FAM184B: variants seen among roughly 807,000 people sequenced by gnomAD.
FAM184B encodes family with sequence similarity 184 member B.
In FAM184B, 111 loss-of-function variants were observed where a neutral mutation model predicts 135.9. The ratio of observed to expected loss-of-function variants is 0.82; its 90% CI spans 0.70 to 0.96. The LOEUF is 0.96. Ranked by LOEUF, FAM184B falls within the 40% of genes least tolerant of loss-of-function variation. FAM184B has a pLI of 0.00. For synonymous variants in FAM184B, 552 were observed against 524.8 expected (o/e 1.05, Z -0.71); for missense variants, 1,375 against 1,323.9 (o/e 1.04, Z -0.60).
chr4:17,643,123 T>C (rs1020558259), intron 12 of FAM184B, among the ~76,000 whole-genome samples: 2 of 152,208 alleles, frequency 1.3e-5, no homozygotes, highest in African/African-American at 2.4e-5. Context: ...GTTACTGCTC[T>C]GTGGGGACAA....
chr4:17,765,762 G>A (rs781302273), intron 1 of FAM184B, among the ~76,000 whole-genome samples: 2 of 152,144 alleles, frequency 1.3e-5, no homozygotes, highest in African/African-American at 4.8e-5. Context: ...ATAAAGCCAC[G>A]GACCCTCCTG....
intron 7 of FAM184B, among the ~76,000 whole-genome samples, chr4:17,680,399 A>G (rs1716407806): frequency 1.3e-5 from 2 of 152,186 alleles, no homozygotes; most frequent in Admixed American, 1.3e-4. Flanking sequence ...CACATGTTCA[A>G]TGATAATGAT....
intron 1 of FAM184B, among the ~76,000 whole-genome samples, chr4:17,764,817 C>A (rs955030922): frequency 6.6e-6 from 1 of 152,192 alleles, no homozygotes; most frequent in African/African-American, 2.4e-5. Flanking sequence ...GTAATCTCAG[C>A]GCTTTGGGAG....
At chr4:17,659,908 A>T (rs970873955) in intron 9 of FAM184B, 50 bp downstream of exon 9, 2 of 1,541,154 alleles carry the variant, frequency 1.3e-6, no homozygotes, top group Non-Finnish European at 1.8e-6. Flanking sequence ...TGTAAAAAGG[A>T]GGGGGCAGGA....
chr4:17,768,119 G>C (rs959593984), intron 1 of FAM184B, among the ~76,000 whole-genome samples: 1 of 152,136 alleles, frequency 6.6e-6, no homozygotes, highest in Non-Finnish European at 1.5e-5. Flanking sequence ...TTTTGATTTT[G>C]TTCAAGTATT....
rs1286611476 is a variant in FAM184B, at chr4:17,781,437, G to A, written c.-138C>T. 2 of 1,087,004 alleles carry A rather than the reference G, an allele frequency of 1.8e-6. No individual in the cohort carries two copies. Among genetic ancestry groups the A allele is most frequent in the Non-Finnish European group, 2.4e-6 (2 of 826,094 alleles). 67.3% of individuals were successfully genotyped at this position (1,087,004 alleles called of 1,614,324 possible). On this transcript the variant is annotated 5_prime_UTR_variant, in exon 1 of 18. The change creates a new upstream start codon in the 5' untranslated region. Transcript: ENST00000265018. This position sits in a 1 kb window ranked among gnomAD's most constrained non-coding sequence, Gnocchi z 6.5. ...GCAGTCCCGTCGCCTGCACCGCCGC[G>A]TGGCCCCAGCTTCCCGAAGGTCTCC... is the stretch of plus-strand genomic sequence containing the variant.
chr4:17,644,520 T>C lies in FAM184B; in HGVS notation c.2347-2292A>G, dbSNP rs190707469. Among the ~76,000 whole-genome samples, 240 of 152,258 alleles carry C rather than the reference T, an allele frequency of 1.6e-3. 1 individual carries two copies. Among genetic ancestry groups the C allele is most frequent in the African/African-American group, 5.3e-3 (221 of 41,556 alleles). On this transcript the variant is annotated intron_variant, in intron 12 of 17. Transcript: ENST00000265018. ...TCTCAATAGATGCAGAAAAGGCCTT[T>C]GACAAAATTCAACAGCCCTTCATGC...
intron 1 of FAM184B, among the ~76,000 whole-genome samples, chr4:17,767,739 A>C (rs1447285107): frequency 8.7e-6 from 1 of 114,666 alleles, no homozygotes; most frequent in Non-Finnish European, 1.6e-5. Flanking sequence ...TTTGGGTCTC[A>C]GAAGAGTCCC....
At chr4:17,685,212 A>C (rs1716551211) in intron 7 of FAM184B, among the ~76,000 whole-genome samples, 1 of 150,972 alleles carries the variant, frequency 6.6e-6, no homozygotes. Context: ...AAAAAAAAAA[A>C]AAAAAAGAAA....
At chr4:17,694,255 G>A (rs546030083) in intron 5 of FAM184B, among the ~76,000 whole-genome samples, 3 of 152,218 alleles carry the variant, frequency 2.0e-5, no homozygotes, top group Non-Finnish European at 4.4e-5. Flanking sequence ...CAGGCGCGGT[G>A]GCTGACGCCT....
At chr4:17,767,200 G>C (rs980538692) in intron 1 of FAM184B, among the ~76,000 whole-genome samples, 4 of 152,170 alleles carry the variant, frequency 2.6e-5, no homozygotes, top group Non-Finnish European at 4.4e-5. Context: ...TGCACACCTC[G>C]TGGCAAGCAG....
At chr4:17,727,883 G>T (rs1247121131) in intron 1 of FAM184B, among the ~76,000 whole-genome samples, 1 of 152,102 alleles carries the variant, frequency 6.6e-6, no homozygotes, top group Non-Finnish European at 1.5e-5. Flanking sequence ...GTGACAAAGG[G>T]TCAAATAAGC....
At chr4:17,779,321 A>C (rs952029234) in intron 1 of FAM184B, among the ~76,000 whole-genome samples, 1 of 152,254 alleles carries the variant, frequency 6.6e-6, no homozygotes, top group Non-Finnish European at 1.5e-5. Flanking sequence ...AGCCAAAAGA[A>C]TGGTGGCCTA....
chr4:17,726,025 G>A (rs996395265), intron 1 of FAM184B, among the ~76,000 whole-genome samples: 1 of 151,816 alleles, frequency 6.6e-6, no homozygotes, highest in African/African-American at 2.4e-5. Context: ...CCAGGTTCAC[G>A]CCATTCTCCT....
At chr4:17,778,109 G>C (rs1322390907) in intron 1 of FAM184B, among the ~76,000 whole-genome samples, 3 of 151,830 alleles carry the variant, frequency 2.0e-5, no homozygotes, top group African/African-American at 7.3e-5. Context: ...TTTTGCAGAG[G>C]ATAAAGATAA....
At chr4:17,717,429 AAC>A (rs1282459976) in intron 1 of FAM184B, among the ~76,000 whole-genome samples, 1 of 152,064 alleles carries the variant, frequency 6.6e-6, no homozygotes, top group Non-Finnish European at 1.5e-5. Context: ...GTCGCTTGGC[AAC>A]TCTTCTGCCA....
chr4:17,736,618 C>A (rs1454899198), intron 1 of FAM184B, among the ~76,000 whole-genome samples: 1 of 152,152 alleles, frequency 6.6e-6, no homozygotes, highest in Non-Finnish European at 1.5e-5. Context: ...AGTCAGCTGT[C>A]CTGGTTGTCA....
In FAM184B at chr4:17,731,201, G is replaced by A. The variant is rs979179332; in HGVS notation, c.142-21557C>T. On this transcript the variant is annotated intron_variant, in intron 1 of 17. Transcript: ENST00000265018. ...GCACTAAACATGGAAAGGAACAACC[G>A]GTACCAGCCACTGCAAAAACATGCC... is the stretch of plus-strand genomic sequence containing the variant. Among the ~76,000 whole-genome samples the A allele has an allele frequency of 1.1e-4, 17 of 152,146 alleles. No individual in the cohort carries two copies. In the South Asian group the frequency reaches 2.3e-3, roughly 20 times the overall value.
intron 1 of FAM184B, among the ~76,000 whole-genome samples, chr4:17,756,292 C>A (rs908294007): frequency 3.9e-5 from 6 of 152,110 alleles, no homozygotes; most frequent in Non-Finnish European, 7.3e-5. Flanking sequence ...GCAACCACGT[C>A]AAAAGGACTC....
Sources: allele counts gnomAD v4.1 joint callset (sites outside exome capture counted in the v4.1 genomes callset), GRCh38; gene constraint gnomAD v4.1.1; non-coding constraint Gnocchi (gnomAD v3.1); transcripts MANE v1.5; gene names NCBI Gene and HGNC (gene_info 2026-07-23, HGNC 2026-07-21).